The following SIPA1L3 variants were observed in gnomAD, a reference collection of about 807,000 sequenced individuals.
The protein encoded by SIPA1L3 is signal-induced proliferation-associated 1-like protein 3.
A neutral mutation model predicts 150.1 loss-of-function variants in SIPA1L3; 59 were observed. That is an observed-to-expected ratio of 0.39 (90% confidence interval 0.32 to 0.49). The LOEUF is 0.49. SIPA1L3 is among the 20% of genes least tolerant of loss of function. The pLI is 0.86. For missense variants in SIPA1L3, 2,211 were observed against 2,489.5 expected (o/e 0.89, Z 2.38); for synonymous variants, 1,070 against 1,077.6 (o/e 0.99, Z 0.14).
intron 1 of SIPA1L3, among the ~76,000 whole-genome samples, chr19:38,015,452 G>A (rs1404274917): frequency 6.6e-6 from 1 of 152,102 alleles, no homozygotes; most frequent in East Asian, 1.9e-4. Flanking sequence ...GGCCAGGTAC[G>A]GTGACTCATG....
chr19:37,967,186 A>C (rs2046911276), intron 1 of SIPA1L3, among the ~76,000 whole-genome samples: 1 of 150,290 alleles, frequency 6.7e-6, no homozygotes, highest in Admixed American at 6.6e-5. Flanking sequence ...CTGCTGCAGC[A>C]CCCTGATCTC....
At chr19:38,009,641 T>C (rs111779311) in intron 1 of SIPA1L3, among the ~76,000 whole-genome samples, 46 of 152,092 alleles carry the variant, frequency 3.0e-4, no homozygotes, top group Non-Finnish European at 5.6e-4. Flanking sequence ...CCCACCATGT[T>C]ACTGATGAGG....
At chr19:38,136,366 G>C (rs1301100756) in intron 10 of SIPA1L3, among the ~76,000 whole-genome samples, 2 of 151,840 alleles carry the variant, frequency 1.3e-5, no homozygotes, top group Non-Finnish European at 2.9e-5. Flanking sequence ...CACTTTGGGA[G>C]GCCGAGGGAG....
chr19:38,136,046 GTTTT>G (rs1568569555), intron 10 of SIPA1L3, among the ~76,000 whole-genome samples: 1 of 151,272 alleles, frequency 6.6e-6, no homozygotes, highest in Non-Finnish European at 1.5e-5. Flanking sequence ...TTTTGTTTGG[GTTTT>G]TTTGTTTGTT....
At chr19:37,988,830 C>T (rs894155459) in intron 1 of SIPA1L3, among the ~76,000 whole-genome samples, 1 of 152,184 alleles carries the variant, frequency 6.6e-6, no homozygotes, top group Non-Finnish European at 1.5e-5. Context: ...TTTCCCTGCT[C>T]CTAGAACGCA....
At chr19:38,000,476 C>CAAAAAAAA (rs931671031) in intron 1 of SIPA1L3, among the ~76,000 whole-genome samples, 1 of 44,050 alleles carries the variant, frequency 2.3e-5, no homozygotes, top group Non-Finnish European at 4.6e-5. Flanking sequence ...GACTCTGTCT[C>CAAAAAAAA]AAAAAAAAAA....
chr19:38,133,730 G>A (rs1028875966), intron 10 of SIPA1L3, among the ~76,000 whole-genome samples: 4 of 152,182 alleles, frequency 2.6e-5, no homozygotes, highest in African/African-American at 9.7e-5. Context: ...TGACCCTAGG[G>A]AAGTGGCCTT....
intron 3 of SIPA1L3, among the ~76,000 whole-genome samples, chr19:38,084,635 C>CTTTTTTTT (rs902218818): frequency 1.5e-4 from 16 of 104,498 alleles, no homozygotes; most frequent in South Asian, 3.2e-4. Flanking sequence ...TTTTCTTTTT[C>CTTTTTTTT]TTTTTTTTTT....
At chr19:38,099,709 G>A (rs568249692) in intron 4 of SIPA1L3, among the ~76,000 whole-genome samples, 1 of 152,174 alleles carries the variant, frequency 6.6e-6, no homozygotes, top group East Asian at 1.9e-4. Flanking sequence ...CCCCTTCAAG[G>A]TTACGATACC....
intron 2 of SIPA1L3, among the ~76,000 whole-genome samples, chr19:38,053,560 CT>C (rs1019175868): frequency 1.3e-3 from 191 of 144,968 alleles, no homozygotes; most frequent in Non-Finnish European, 1.3e-3. Flanking sequence ...GAAGGAGGTA[CT>C]TTTTTTTTTT....
intron 7 of SIPA1L3, chr19:38,109,666 G>C (rs758342380): frequency 6.5e-6 from 1 of 153,694 alleles, no homozygotes; most frequent in Non-Finnish European, 1.5e-5. Context: ...CTTACTTATT[G>C]AGTACCTCCT....
chr19:37,965,649 T>G (rs1261514561), intron 1 of SIPA1L3, among the ~76,000 whole-genome samples: 1 of 152,114 alleles, frequency 6.6e-6, no homozygotes, highest in African/African-American at 2.4e-5. Context: ...TCACATTTTC[T>G]TTGTAACTTT....
At chr19:38,029,856 CTTTTT>C (rs35091359) in intron 2 of SIPA1L3, among the ~76,000 whole-genome samples, 1 of 120,878 alleles carries the variant, frequency 8.3e-6, no homozygotes, top group Non-Finnish European at 1.7e-5. Context: ...ACCTCGGCCT[CTTTTT>C]TTTTTTTTTT....
At chr19:38,139,415 A>T (rs1971520800) in intron 10 of SIPA1L3, among the ~76,000 whole-genome samples, 2 of 152,146 alleles carry the variant, frequency 1.3e-5, no homozygotes, top group Non-Finnish European at 2.9e-5. Flanking sequence ...GTGTGGGGAG[A>T]GACACCAGGC....
chr19:38,033,557 A>G (rs928415064), intron 2 of SIPA1L3, among the ~76,000 whole-genome samples: 3 of 152,104 alleles, frequency 2.0e-5, no homozygotes, highest in Non-Finnish European at 2.9e-5. Flanking sequence ...GCTTGGTGGC[A>G]TGCACCTGTA....
At chr19:37,972,486 T>C (rs1966967861) in intron 1 of SIPA1L3, among the ~76,000 whole-genome samples, 1 of 152,096 alleles carries the variant, frequency 6.6e-6, no homozygotes. Context: ...GAGGATCACT[T>C]GAGGCCAGGA....
At position 38,101,220 on chromosome 19, in the gene SIPA1L3, G is replaced by A. The variant is rs867899517; in HGVS notation, c.2023G>A (p.Val675Ile). The part of the protein sequence containing the change: ...GFTKYAAQLD[V>I]KTDSTGTHSL... ...CACCAAGTACGCTGCCCAGCTGGAC[G>A]TCAAGAGTAAGTAGGGGGCCGGTTA... Residue 675 changes from valine (V) to isoleucine (I), a missense_variant, in exon 6 of 22, where the codon GTC (valine) becomes ATC (isoleucine). By Grantham distance (29) the Val-to-Ile change is conservative (BLOSUM62 3). Around this residue, in one of 5 missense-constraint regions of SIPA1L3, gnomAD observed 625 missense variants for 804.2 expected, o/e 0.78. Transcript: ENST00000222345. 13 of 1,559,224 alleles carry A rather than the reference G, an allele frequency of 8.3e-6. No individual in the cohort carries two copies. Among genetic ancestry groups the A allele is most frequent in the Middle Eastern group, 1.8e-4 (1 of 5,676 alleles).
chr19:38,082,818 A>G lies in SIPA1L3; in HGVS notation c.1253A>G (p.Asp418Gly). 6.2e-7 allele frequency: 1 copy of G among 1,613,698 alleles called. No individual in the cohort carries two copies. Among genetic ancestry groups the G allele is most frequent in the South Asian group, 1.1e-5 (1 of 91,090 alleles). The part of the protein sequence containing the change: ...KENLEQDLGD[D>G]NSNDLLLSCP... ...AACTTGGAGCAGGACCTCGGCGATG[A>G]CAACAGCAACGACCTGCTGCTCAGC... Residue 418 changes from aspartate (D) to glycine (G), a missense_variant, in exon 3 of 22, where the codon GAC becomes GGC. By Grantham distance (94) the Asp-to-Gly change is moderately conservative. Around this residue, in one of 5 missense-constraint regions of SIPA1L3, gnomAD observed 587 missense variants for 534.5 expected, o/e 1.10. Transcript: ENST00000222345.
intron 10 of SIPA1L3, among the ~76,000 whole-genome samples, chr19:38,136,598 C>T (rs2016074): frequency 0.4 from 60,498 of 151,844 alleles, 12,468 homozygotes; most frequent in East Asian, 0.62. Flanking sequence ...AGCAAGACTC[C>T]GTCTCAAAAA....
Sources: allele counts gnomAD v4.1 joint callset (sites outside exome capture counted in the v4.1 genomes callset), GRCh38; gene constraint gnomAD v4.1.1; regional missense constraint gnomAD v4.1.1; transcripts MANE v1.5; gene names NCBI Gene and HGNC (gene_info 2026-07-23, HGNC 2026-07-21).